Variants in PTPRE observed in about 807,000 individuals in gnomAD.
The protein encoded by PTPRE is receptor-type tyrosine-protein phosphatase epsilon.
In PTPRE, 51 loss-of-function variants were observed where a neutral mutation model predicts 102.0. The ratio of observed to expected loss-of-function variants is 0.50; its 90% CI spans 0.40 to 0.63. The LOEUF (loss-of-function observed/expected upper bound fraction) is 0.63, where lower values mean the gene tolerates loss of function less well. Ranked by LOEUF, PTPRE falls within the 30% of genes least tolerant of loss-of-function variation. PTPRE has a pLI of 0.00. For missense variants in PTPRE, 752 were observed against 915.1 expected (o/e 0.82, Z 2.30); for synonymous variants, 345 against 348.2 (o/e 0.99, Z 0.10).
intron 7 of PTPRE, among the ~76,000 whole-genome samples, chr10:128,058,315 C>G (rs1267898142): frequency 1.3e-5 from 2 of 152,244 alleles, no homozygotes; most frequent in Non-Finnish European, 2.9e-5. Flanking sequence ...CAAGTCTTCT[C>G]TGAGCCGCGT....
rs1193130275 is a variant in PTPRE at position 128,028,001 on chromosome 10, C to T, written c.-7-12874C>T. On this transcript the variant is annotated intron_variant, in intron 2 of 20. Transcript: ENST00000254667. The surrounding 1 kb of genome is among the most constrained non-coding windows in gnomAD (Gnocchi z 4.5). The stretch of plus-strand genomic sequence containing the variant: ...CAGCACGCCGAGGGTCTCCACCTCC[C>T]CAAGGCAGGACAGGCCATGGCAGAG... Among the ~76,000 whole-genome samples, 1 of 152,188 alleles carries T rather than the reference C, an allele frequency of 6.6e-6. No individual in the cohort carries two copies. The highest frequency in any genetic ancestry group is 1.5e-5 in the Non-Finnish European group (1 of 68,050).
At chr10:128,013,849 G>A (rs572990109) in intron 2 of PTPRE, among the ~76,000 whole-genome samples, 1 of 152,296 alleles carries the variant, frequency 6.6e-6, no homozygotes, top group South Asian at 2.1e-4. Context: ...TATGGCAGCT[G>A]GGCTGACTAA....
intron 1 of PTPRE, among the ~76,000 whole-genome samples, chr10:127,949,885 C>A (rs940238113): frequency 5.3e-5 from 8 of 152,136 alleles, no homozygotes; most frequent in Admixed American, 1.3e-4. Flanking sequence ...CTCAGAAATT[C>A]TGATGAGTCT....
chr10:127,959,571 G>T (rs1346192409), intron 1 of PTPRE, among the ~76,000 whole-genome samples: 2 of 152,186 alleles, frequency 1.3e-5, no homozygotes, highest in Non-Finnish European at 2.9e-5. Context: ...TTCTGAATTT[G>T]CAAAGAAAGT....
chr10:127,925,160 G>A (rs1363023098), intron 1 of PTPRE, among the ~76,000 whole-genome samples: 3 of 152,240 alleles, frequency 2.0e-5, no homozygotes, highest in Admixed American at 6.5e-5. Context: ...GAGGCCTTCA[G>A]TCCTTGCCAG....
Position 128,068,232 on chromosome 10 carries a change from A to G in PTPRE, c.953A>G (p.Lys318Arg), listed in dbSNP as rs764677644. 1.9e-6 allele frequency: 3 copies of G among 1,614,166 alleles called. No individual in the cohort carries two copies. The Admixed American group carries it at 5.0e-5, about 27-fold the overall frequency. ...FTPIGMLKFL[K>R]KVKTLNPVHA... ...CCCATTGGGATGCTGAAGTTCCTCA[A>G]GAAAGTAAAGACGCTCAACCCCGTG... is the stretch of plus-strand genomic sequence containing the variant. The change falls in exon 12 of 21, where the codon AAG (lysine) becomes AGG (arginine). Residue 318 changes from lysine (K) to arginine (R), a missense_variant. Physicochemically the swap from Lys to Arg is conservative, Grantham distance 26. Coordinates refer to ENST00000254667, the MANE Select transcript of PTPRE (RefSeq NM_006504.6).
At chr10:127,942,573 A>G (rs919565929) in intron 1 of PTPRE, among the ~76,000 whole-genome samples, 2 of 152,256 alleles carry the variant, frequency 1.3e-5, no homozygotes, top group Non-Finnish European at 2.9e-5. Context: ...ATTTGCTGCA[A>G]CACGGATGAA....
chr10:128,083,043 G>A lies in PTPRE; in HGVS notation c.*137G>A. On this transcript the variant is annotated 3_prime_UTR_variant, in exon 21 of 21. Transcript: ENST00000254667. ...TTTTGTTATGCCTTAAAGGCCACCT[G>A]CTATACAGTTGTTAAATCTTAAATA... 1 of 758,504 alleles carries A rather than the reference G, an allele frequency of 1.3e-6. No individual in the cohort carries two copies. The highest frequency in any genetic ancestry group is 4.3e-5 in the Admixed American group (1 of 23,480). 47.0% of individuals were successfully genotyped at this position (758,504 alleles called of 1,614,324 possible).
At chr10:127,913,122 C>T (rs1041742001) in intron 1 of PTPRE, among the ~76,000 whole-genome samples, 4 of 152,130 alleles carry the variant, frequency 2.6e-5, no homozygotes, top group South Asian at 2.1e-4. Context: ...AGCATGATGC[C>T]GCCAAGGCAG....
chr10:127,960,960 G>A (rs1173860290), intron 1 of PTPRE, among the ~76,000 whole-genome samples: 1 of 150,602 alleles, frequency 6.6e-6, no homozygotes, highest in Non-Finnish European at 1.5e-5. Context: ...GGCAGAGCTT[G>A]CAATGAGCTG....
At chr10:127,965,446 GTTC>G (rs1199582084) in intron 1 of PTPRE, among the ~76,000 whole-genome samples, 3 of 151,994 alleles carry the variant, frequency 2.0e-5, no homozygotes, top group Non-Finnish European at 2.9e-5. Context: ...TATAAGCCAT[GTTC>G]TTCTTTTGAT....
intron 2 of PTPRE, among the ~76,000 whole-genome samples, chr10:128,021,913 G>A (rs1181458816): frequency 6.6e-6 from 1 of 152,200 alleles, no homozygotes; most frequent in East Asian, 1.9e-4. Flanking sequence ...CCTGTTCGAG[G>A]CTTTGATTTC....
intron 10 of PTPRE, among the ~76,000 whole-genome samples, chr10:128,063,429 A>G (rs1389350973): frequency 6.6e-6 from 1 of 152,198 alleles, no homozygotes; most frequent in African/African-American, 2.4e-5. Flanking sequence ...TTTCCCAAGT[A>G]AGAGTGGCCC....
chr10:128,040,361 G>C (rs925439969), intron 2 of PTPRE, among the ~76,000 whole-genome samples: 2 of 152,200 alleles, frequency 1.3e-5, no homozygotes, highest in African/African-American at 4.8e-5. Flanking sequence ...GCCCTGAAAG[G>C]ATCGAGGTTT....
chr10:128,001,749 A>C (rs1406831089), intron 2 of PTPRE, among the ~76,000 whole-genome samples: 1 of 152,166 alleles, frequency 6.6e-6, no homozygotes, highest in Non-Finnish European at 1.5e-5. Context: ...ACGTATGGGA[A>C]GGTTCTTAGT....
chr10:128,063,130 C>G lies in PTPRE; in HGVS notation c.673C>G (p.Gln225Glu). Residue 225 changes from glutamine (Q) to glutamate (E), a missense_variant, in exon 10 of 21, where the codon CAA (glutamine) becomes GAA (glutamate). Physicochemically the swap from Gln to Glu is conservative, Grantham distance 29 (BLOSUM62 2). Coordinates refer to ENST00000254667, the MANE Select transcript of PTPRE (RefSeq NM_006504.6). Reference protein sequence around the residue: ...VNDFWRMVWEQKSATIVMLTN... With the variant: ...VNDFWRMVWEEKSATIVMLTN... ...CGACTTCTGGAGAATGGTCTGGGAGCAAAAGTCTGCGACCATCGTCATGTT... is the reference window on the plus strand; with the variant it reads ...CGACTTCTGGAGAATGGTCTGGGAGGAAAAGTCTGCGACCATCGTCATGTT... 1 of 1,614,192 alleles carries G rather than the reference C, an allele frequency of 6.2e-7. No homozygotes were observed. Among genetic ancestry groups the G allele is most frequent in the Non-Finnish European group, 8.5e-7 (1 of 1,180,032 alleles).
intron 2 of PTPRE, among the ~76,000 whole-genome samples, chr10:127,984,085 T>A (rs1422694194): frequency 6.7e-6 from 1 of 149,844 alleles, no homozygotes; most frequent in Non-Finnish European, 1.5e-5. Context: ...TTTCTTTTTT[T>A]TTTTTTTTTT....
At chr10:127,972,907 C>G (rs927830492) in intron 1 of PTPRE, among the ~76,000 whole-genome samples, 1 of 152,232 alleles carries the variant, frequency 6.6e-6, no homozygotes, top group Admixed American at 6.5e-5. Context: ...AGGCCTGGGA[C>G]TGTCCAGCTG....
intron 1 of PTPRE, among the ~76,000 whole-genome samples, chr10:127,908,414 T>A (rs1380701841): frequency 1.4e-5 from 2 of 147,498 alleles, no homozygotes; most frequent in Non-Finnish European, 3.0e-5. Context: ...TAACGACTCT[T>A]GTCCATTTAA....
Sources: gnomAD v4.1 joint callset for allele counts (sites outside exome capture counted in the v4.1 genomes callset) on GRCh38, gnomAD v4.1.1 for gene constraint, Gnocchi (gnomAD v3.1) non-coding constraint, MANE v1.5 for transcripts, NCBI Gene and HGNC (gene_info 2026-07-23, HGNC 2026-07-21) for gene names.